Variants in NHERF1 observed in about 807,000 individuals in gnomAD.
The protein encoded by NHERF1 is Na(+)/H(+) exchange regulatory cofactor NHE-RF1.
At chr17:74,756,388 C>T in the NHERF1 span, among the ~76,000 whole-genome samples, 18 of 144,356 alleles carry the variant, frequency 1.2e-4, no homozygotes, top group East Asian at 1.4e-3. Context: ...AAGCGGTTCT[C>T]GTGCCTCAGC....
At chr17:74,764,465 C>A in the NHERF1 span, among the ~76,000 whole-genome samples, 3 of 152,140 alleles carry the variant, frequency 2.0e-5, no homozygotes, top group African/African-American at 2.4e-5. This position sits in a 1 kb window ranked among gnomAD's most constrained non-coding sequence, Gnocchi z 4.9. Flanking sequence ...CCCTTATCTC[C>A]CAAGTTCATG....
chr17:74,768,384 A>T, the NHERF1 span: 1 of 1,513,840 alleles, frequency 6.6e-7, no homozygotes, highest in Non-Finnish European at 9.2e-7. Context: ...CACGGCCCCA[A>T]CGGAGCCACC....
chr17:74,768,726 A>C, the NHERF1 span: 4 of 1,368,722 alleles, frequency 2.9e-6, no homozygotes, highest in Non-Finnish European at 4.2e-6. Context: ...CCTTCTCCCC[A>C]ATTACTCCCC....
the NHERF1 span, chr17:74,768,115 C>CT: frequency 2.3e-5 from 35 of 1,498,260 alleles, no homozygotes; most frequent in Non-Finnish European, 3.2e-5. Flanking sequence ...ACCCCATCCT[C>CT]TGACAACCCA....
At chr17:74,762,692 G>A in the NHERF1 span, among the ~76,000 whole-genome samples, 41 of 152,198 alleles carry the variant, frequency 2.7e-4, no homozygotes, top group East Asian at 7.0e-3. The surrounding 1 kb of genome is among the most constrained non-coding windows in gnomAD (Gnocchi z 4.2). Context: ...TGAGTAGCTG[G>A]GATTACAGGT....
chr17:74,749,014 G>A, the NHERF1 span: 1 of 1,608,078 alleles, frequency 6.2e-7, no homozygotes, highest in South Asian at 1.1e-5. The surrounding 1 kb of genome is among the most constrained non-coding windows in gnomAD (Gnocchi z 5.6). Flanking sequence ...TGCTGGCGGG[G>A]GACCGGCTGG....
the NHERF1 span, among the ~76,000 whole-genome samples, chr17:74,760,462 A>G: frequency 6.6e-6 from 1 of 152,184 alleles, no homozygotes; most frequent in Non-Finnish European, 1.5e-5. The surrounding 1 kb of genome is among the most constrained non-coding windows in gnomAD (Gnocchi z 4.5). Flanking sequence ...CCTTTAAAGG[A>G]ATGCAAAGTC....
At chr17:74,751,659 C>T in the NHERF1 span, among the ~76,000 whole-genome samples, 4 of 152,240 alleles carry the variant, frequency 2.6e-5, no homozygotes, top group Admixed American at 2.6e-4. This position sits in a 1 kb window ranked among gnomAD's most constrained non-coding sequence, Gnocchi z 4.3. Context: ...TGTGGATGGC[C>T]TTCCCCGCCT....
chr17:74,764,460 A>G, the NHERF1 span, among the ~76,000 whole-genome samples: 1 of 152,078 alleles, frequency 6.6e-6, no homozygotes, highest in African/African-American at 2.4e-5. This position sits in a 1 kb window ranked among gnomAD's most constrained non-coding sequence, Gnocchi z 4.9. Flanking sequence ...CCTTACCCTT[A>G]TCTCCCAAGT....
At chr17:74,755,737 G>A in the NHERF1 span, among the ~76,000 whole-genome samples, 7 of 152,074 alleles carry the variant, frequency 4.6e-5, no homozygotes, top group African/African-American at 7.2e-5. Context: ...TGTGCTGTCC[G>A]GGCAGCAGCC....
At chr17:74,749,277 AC>A in the NHERF1 span, 1 of 1,529,164 alleles carries the variant, frequency 6.5e-7, no homozygotes, top group South Asian at 1.2e-5. This position sits in a 1 kb window ranked among gnomAD's most constrained non-coding sequence, Gnocchi z 5.6. Flanking sequence ...GACAAGAGCC[AC>A]CCGGAGCAGG....
the NHERF1 span, among the ~76,000 whole-genome samples, chr17:74,750,551 C>CA: frequency 6.6e-6 from 1 of 152,144 alleles, no homozygotes; most frequent in Admixed American, 6.5e-5. Context: ...CCAGGGCCAC[C>CA]AGGCTCCCAC....
the NHERF1 span, among the ~76,000 whole-genome samples, chr17:74,754,054 C>T: frequency 1.3e-5 from 2 of 151,806 alleles, no homozygotes; most frequent in African/African-American, 4.8e-5. Context: ...ATCCCAGCTA[C>T]TCGGGAGTCT....
At chr17:74,755,358 A>AC in the NHERF1 span, among the ~76,000 whole-genome samples, 2 of 151,342 alleles carry the variant, frequency 1.3e-5, no homozygotes, top group African/African-American at 4.9e-5. Flanking sequence ...CCAAGTATCT[A>AC]CCCCCGCCCT....
At chr17:74,749,169 A>C in the NHERF1 span, 2 of 1,538,824 alleles carry the variant, frequency 1.3e-6, no homozygotes. The surrounding 1 kb of genome is among the most constrained non-coding windows in gnomAD (Gnocchi z 5.6). Flanking sequence ...CAGGTCCGAG[A>C]GGAGCTGCTG....
the NHERF1 span, among the ~76,000 whole-genome samples, chr17:74,751,785 C>T: frequency 3.9e-5 from 6 of 152,242 alleles, no homozygotes; most frequent in African/African-American, 1.4e-4. This position sits in a 1 kb window ranked among gnomAD's most constrained non-coding sequence, Gnocchi z 4.3. Context: ...AGTCTGGGTT[C>T]AGAGTGCCGG....
At chr17:74,762,403 ACTC>A in the NHERF1 span, among the ~76,000 whole-genome samples, 1 of 151,602 alleles carries the variant, frequency 6.6e-6, no homozygotes, top group Non-Finnish European at 1.5e-5. This position sits in a 1 kb window ranked among gnomAD's most constrained non-coding sequence, Gnocchi z 4.2. Context: ...ACTCCCCTGG[ACTC>A]CTCCTTGCCA....
At chr17:74,764,601 C>T in the NHERF1 span, among the ~76,000 whole-genome samples, 2 of 152,338 alleles carry the variant, frequency 1.3e-5, no homozygotes, top group East Asian at 3.9e-4. This position sits in a 1 kb window ranked among gnomAD's most constrained non-coding sequence, Gnocchi z 4.9. Flanking sequence ...TTCCACTCAG[C>T]TCCTGGGATA....
chr17:74,765,490 C>T, the NHERF1 span, among the ~76,000 whole-genome samples: 7 of 151,316 alleles, frequency 4.6e-5, no homozygotes, highest in East Asian at 1.9e-4. Context: ...GATCTCTTGA[C>T]CTTGTGATCC....
Sources: gnomAD v4.1 joint callset for allele counts (sites outside exome capture counted in the v4.1 genomes callset) on GRCh38, gnomAD v4.1.1 for gene constraint, Gnocchi (gnomAD v3.1) non-coding constraint, MANE v1.5 for transcripts, NCBI Gene and HGNC (gene_info 2026-07-23, HGNC 2026-07-21) for gene names.